The following SORCS1 variants were observed in gnomAD, a reference collection of about 807,000 sequenced individuals.
The protein encoded by SORCS1 is sortilin related VPS10 domain containing receptor 1, also known as VPS10 domain-containing receptor SorCS1.
SORCS1 carries 60 observed loss-of-function variants against 146.1 expected under a neutral mutation model. The ratio of observed to expected loss-of-function variants is 0.41; its 90% confidence interval spans 0.33 to 0.51. SORCS1 has a LOEUF of 0.51. SORCS1 is among the 20% of genes least tolerant of loss of function. The probability of loss-of-function intolerance (pLI) is 0.21; values close to 1 mark genes in which losing one functional copy is unlikely to be tolerated. For synonymous variants in SORCS1, 637 were observed against 584.0 expected (o/e 1.09, Z -1.31); for missense variants, 1,352 against 1,487.6 (o/e 0.91, Z 1.50).
At chr10:106,822,791 T>TGTTTTTTG (rs1564699920) in intron 3 of SORCS1, among the ~76,000 whole-genome samples, 1 of 147,430 alleles carries the variant, frequency 6.8e-6, no homozygotes, top group African/African-American at 2.6e-5. Flanking sequence ...GGTTTTTTTT[T>TGTTTTTTG]TTTTTTTTTT....
At chr10:106,697,073 G>A (rs1853756904) in intron 9 of SORCS1, among the ~76,000 whole-genome samples, 1 of 152,204 alleles carries the variant, frequency 6.6e-6, no homozygotes, top group Non-Finnish European at 1.5e-5. Flanking sequence ...CAAGTGTTCA[G>A]TCAAGGCAAG....
chr10:106,918,970 G>A (rs1190083886), intron 2 of SORCS1, among the ~76,000 whole-genome samples: 2 of 152,154 alleles, frequency 1.3e-5, no homozygotes, highest in African/African-American at 4.8e-5. Context: ...CCATGTAGCT[G>A]GGACCACAGG....
intron 2 of SORCS1, among the ~76,000 whole-genome samples, chr10:106,936,640 T>C (rs1200733857): frequency 6.6e-6 from 1 of 152,324 alleles, no homozygotes; most frequent in Middle Eastern, 3.4e-3. Context: ...AGAGCTACTG[T>C]TCAGGAATTT....
At chr10:106,600,339 A>T (rs997214998) in intron 23 of SORCS1, 1 of 972,184 alleles carries the variant, frequency 1.0e-6, no homozygotes, top group Non-Finnish European at 1.2e-6. Flanking sequence ...AACAGAAAGT[A>T]CGTTTCATAT....
chr10:106,751,813 C>G (rs532025377), intron 5 of SORCS1, among the ~76,000 whole-genome samples: 2 of 152,222 alleles, frequency 1.3e-5, no homozygotes, highest in South Asian at 2.1e-4. Context: ...ATGTGTAAAT[C>G]TGATGAATTT....
At chr10:106,600,553 T>C in intron 23 of SORCS1, 1 of 985,366 alleles carries the variant, frequency 1.0e-6, no homozygotes. Flanking sequence ...CTTGTAGAAG[T>C]GTTTATCCTG....
At chr10:107,025,768 G>A (rs968223488) in intron 1 of SORCS1, among the ~76,000 whole-genome samples, 1 of 152,194 alleles carries the variant, frequency 6.6e-6, no homozygotes, top group African/African-American at 2.4e-5. Flanking sequence ...TAATTCCACA[G>A]GCAGTAGGAA....
At chr10:106,714,938 C>A (rs12264776) in intron 6 of SORCS1, among the ~76,000 whole-genome samples, 16 of 152,100 alleles carry the variant, frequency 1.1e-4, no homozygotes, top group African/African-American at 3.9e-4. Context: ...AAGAAAAGCC[C>A]CGGAAGAGGT....
At chr10:106,902,604 T>G (rs1951754808) in intron 2 of SORCS1, among the ~76,000 whole-genome samples, 1 of 152,226 alleles carries the variant, frequency 6.6e-6, no homozygotes, top group Non-Finnish European at 1.5e-5. Context: ...GAAAATCACA[T>G]GAAGAGATTC....
At chr10:106,865,894 G>A (rs568653602) in intron 2 of SORCS1, among the ~76,000 whole-genome samples, 11 of 151,764 alleles carry the variant, frequency 7.2e-5, no homozygotes, top group South Asian at 2.1e-4. Context: ...TTGGCCAGGC[G>A]TGGTGGCATG....
intron 25 of SORCS1, chr10:106,578,523 G>T: frequency 3.0e-6 from 1 of 331,930 alleles, no homozygotes; most frequent in Non-Finnish European, 4.3e-6. Context: ...CTCAATCTTA[G>T]GTTCCAAATC....
chr10:106,675,217 A>C (rs1204615788), intron 13 of SORCS1, 61 bp from the exon 14 acceptor site: 2 of 1,288,922 alleles, frequency 1.6e-6, no homozygotes, highest in African/African-American at 3.0e-5. Context: ...GTCATTTCAA[A>C]GGAAAGATAC....
upstream of SORCS1, among the ~76,000 whole-genome samples, chr10:107,164,974 G>C (rs1187333716): frequency 1.3e-5 from 2 of 150,766 alleles, no homozygotes; most frequent in Non-Finnish European, 3.0e-5. The surrounding 1 kb of genome is among the most constrained non-coding windows in gnomAD (Gnocchi z 6.8). Flanking sequence ...GCGGCCGCGG[G>C]TCCCGGCGCT....
chr10:107,116,063 G>A (rs529194104), intron 1 of SORCS1, among the ~76,000 whole-genome samples: 3 of 152,136 alleles, frequency 2.0e-5, no homozygotes, highest in Non-Finnish European at 4.4e-5. Context: ...AAACCACAAT[G>A]AGATACCACT....
At chr10:106,829,072 A>G (rs1462037112) in intron 3 of SORCS1, among the ~76,000 whole-genome samples, 1 of 152,218 alleles carries the variant, frequency 6.6e-6, no homozygotes, top group Non-Finnish European at 1.5e-5. Context: ...AAGCTACTCT[A>G]TTCTGCTAAA....
At chr10:107,053,524 T>G (rs1431598392) in intron 1 of SORCS1, among the ~76,000 whole-genome samples, 1 of 152,162 alleles carries the variant, frequency 6.6e-6, no homozygotes, top group Non-Finnish European at 1.5e-5. Flanking sequence ...CAATTAGAAT[T>G]TTTAGTCAAT....
chr10:107,180,108 G>T, the SORCS1 span, among the ~76,000 whole-genome samples: 8 of 151,030 alleles, frequency 5.3e-5, no homozygotes, highest in African/African-American at 1.7e-4. Flanking sequence ...TAGAGATGAG[G>T]TCTCACTATG....
At chr10:106,902,108 G>A (rs1253273789) in intron 2 of SORCS1, among the ~76,000 whole-genome samples, 1 of 151,992 alleles carries the variant, frequency 6.6e-6, no homozygotes, top group East Asian at 1.9e-4. Context: ...ATATGATAAT[G>A]TACAATACTC....
chr10:106,922,129 A>G (rs527692734), intron 2 of SORCS1, among the ~76,000 whole-genome samples: 1 of 152,366 alleles, frequency 6.6e-6, no homozygotes, highest in East Asian at 1.9e-4. Context: ...CAAAGCTTAC[A>G]TTAGAGCTTA....
Sources: gnomAD v4.1 joint callset for allele counts (sites outside exome capture counted in the v4.1 genomes callset) on GRCh38, gnomAD v4.1.1 for gene constraint, Gnocchi (gnomAD v3.1) non-coding constraint, MANE v1.5 for transcripts, NCBI Gene and HGNC (gene_info 2026-07-23, HGNC 2026-07-21) for gene names.